Variants in CDH12 observed in about 807,000 individuals in gnomAD.
CDH12 encodes cadherin 12, also known as cadherin-12.
In CDH12, 41 loss-of-function variants were observed where a neutral mutation model predicts 74.1. That is an observed-to-expected ratio of 0.55 (90% CI 0.43 to 0.72). The LOEUF (loss-of-function observed/expected upper bound fraction) is 0.72, where lower values mean the gene tolerates loss of function less well. Ranked by LOEUF, CDH12 falls within the 30% of genes least tolerant of loss-of-function variation. The probability of loss-of-function intolerance (pLI) is 0.00; values close to 1 mark genes in which losing one functional copy is unlikely to be tolerated. For missense variants in CDH12, 945 were observed against 977.2 expected, an observed-to-expected ratio of 0.97 and a Z score of 0.44; for synonymous variants, 399 against 355.0, an observed-to-expected ratio of 1.12 and a Z score of -1.39.
intron 1 of CDH12, among the ~76,000 whole-genome samples, chr5:22,731,114 A>G (rs1744413390): frequency 6.6e-6 from 1 of 151,788 alleles, no homozygotes; most frequent in South Asian, 2.1e-4. Flanking sequence ...CTTAGAAGAT[A>G]TTGTTTAAAA....
At chr5:22,346,517 A>C (rs1265735846) in intron 3 of CDH12, among the ~76,000 whole-genome samples, 1 of 152,170 alleles carries the variant, frequency 6.6e-6, no homozygotes, top group Non-Finnish European at 1.5e-5. Context: ...CACTTTCCAC[A>C]CAGAAAAAAA....
intron 5 of CDH12, among the ~76,000 whole-genome samples, chr5:21,978,509 T>C (rs1459997372): frequency 1.3e-5 from 2 of 152,182 alleles, no homozygotes; most frequent in Non-Finnish European, 2.9e-5. Context: ...TATATATAAA[T>C]ACATATTTAC....
At chr5:22,573,405 T>C (rs1373431390) in intron 1 of CDH12, among the ~76,000 whole-genome samples, 1 of 152,132 alleles carries the variant, frequency 6.6e-6, no homozygotes, top group Non-Finnish European at 1.5e-5. Context: ...AATAAATTAA[T>C]TGCATTACAG....
chr5:21,960,620 G>GTCA, intron 6 of CDH12, among the ~76,000 whole-genome samples: 1 of 152,010 alleles, frequency 6.6e-6, no homozygotes, highest in East Asian at 1.9e-4. Flanking sequence ...ACTGTAAAAA[G>GTCA]TCATCATTTC....
chr5:22,425,075 TATAGAG>T (rs1303502363), intron 2 of CDH12, among the ~76,000 whole-genome samples: 188 of 124,834 alleles, frequency 1.5e-3, no homozygotes, highest in African/African-American at 4.2e-3. Context: ...TATATATATA[TATAGAG>T]AGAGAGAGAG....
At chr5:22,195,360 C>A (rs1750561229) in intron 4 of CDH12, among the ~76,000 whole-genome samples, 1 of 152,048 alleles carries the variant, frequency 6.6e-6, no homozygotes, top group African/African-American at 2.4e-5. Context: ...GAAAGGAAAT[C>A]AGAGCATTAA....
intron 1 of CDH12, among the ~76,000 whole-genome samples, chr5:22,642,885 C>T (rs1580844936): frequency 6.6e-6 from 1 of 152,190 alleles, no homozygotes; most frequent in African/African-American, 2.4e-5. Flanking sequence ...TTCGTCCTTA[C>T]TTTACTATTC....
chr5:22,166,583 T>C (rs1324385757), intron 4 of CDH12, among the ~76,000 whole-genome samples: 1 of 152,220 alleles, frequency 6.6e-6, no homozygotes, highest in Non-Finnish European at 1.5e-5. Flanking sequence ...AGAATAGCAT[T>C]TTTACTATAA....
intron 5 of CDH12, among the ~76,000 whole-genome samples, chr5:22,054,405 C>T (rs1233064524): frequency 6.6e-6 from 1 of 152,038 alleles, no homozygotes; most frequent in Middle Eastern, 3.2e-3. Context: ...TTTAACTGGA[C>T]ACCTCTCATT....
chr5:22,175,565 A>G (rs1435555745), intron 4 of CDH12, among the ~76,000 whole-genome samples: 1 of 150,686 alleles, frequency 6.6e-6, no homozygotes, highest in Non-Finnish European at 1.5e-5. Flanking sequence ...ATTTTTTATA[A>G]CCAAAATTAA....
intron 3 of CDH12, among the ~76,000 whole-genome samples, chr5:22,219,393 T>C (rs1032755863): frequency 6.6e-6 from 1 of 151,684 alleles, no homozygotes; most frequent in Non-Finnish European, 1.5e-5. Context: ...CTGAATACCA[T>C]ATTTCATTCT....
At chr5:22,001,959 A>G (rs1416470933) in intron 5 of CDH12, among the ~76,000 whole-genome samples, 1 of 152,132 alleles carries the variant, frequency 6.6e-6, no homozygotes, top group African/African-American at 2.4e-5. Context: ...TTAAGAGATT[A>G]TAATTGGATT....
intron 7 of CDH12, among the ~76,000 whole-genome samples, chr5:21,852,195 T>G (rs1035958983): frequency 6.6e-6 from 1 of 151,422 alleles, no homozygotes; most frequent in Non-Finnish European, 1.5e-5. Flanking sequence ...ATTCTCTTAA[T>G]GAAGTGCTTC....
At chr5:22,050,859 T>C (rs1740308163) in intron 5 of CDH12, among the ~76,000 whole-genome samples, 1 of 152,166 alleles carries the variant, frequency 6.6e-6, no homozygotes, top group South Asian at 2.1e-4. Context: ...TTATGTTTCA[T>C]GTGCACTGAT....
chr5:22,258,744 T>A lies in CDH12; in HGVS notation c.-332-46101A>T, dbSNP rs144645520. 3.4e-3 allele frequency among the ~76,000 whole-genome samples: 520 copies of A among 152,260 alleles called. 5 individuals are homozygous for A. Among genetic ancestry groups the A allele is most frequent in the African/African-American group, 0.012 (494 of 41,566 alleles). On this transcript the variant is annotated intron_variant, in intron 3 of 14. Transcript: ENST00000382254. ...TTTTAGATACACAAATATTTACCAG[T>A]TGTCTACAGTATTCAGTAAGTAACA... is the stretch of plus-strand genomic sequence containing the variant.
In CDH12 at chr5:22,283,049, C is replaced by T. The variant is rs1308967551; in HGVS notation, c.-332-70406G>A. Among the ~76,000 whole-genome samples, 3 of 151,916 alleles carry T rather than the reference C, an allele frequency of 2.0e-5. No homozygotes were observed. The East Asian group carries it at 5.8e-4, about 29-fold the overall frequency. On this transcript the variant is annotated intron_variant, in intron 3 of 14. Transcript: ENST00000382254. ...TGTTACACATATACACCATGGAATA[C>T]TATGCAGCCATAAAACAAATGGATG...
At chr5:21,952,910 C>G (rs1755928602) in intron 6 of CDH12, among the ~76,000 whole-genome samples, 2 of 151,792 alleles carry the variant, frequency 1.3e-5, no homozygotes, top group Admixed American at 6.6e-5. Flanking sequence ...ACAGCAGACC[C>G]TGAAGGATAT....
chr5:22,637,855 C>G (rs555624309), intron 1 of CDH12, among the ~76,000 whole-genome samples: 17 of 152,292 alleles, frequency 1.1e-4, no homozygotes, highest in African/African-American at 3.6e-4. Context: ...AGTAGAGATT[C>G]TGTATAGTAC....
intron 1 of CDH12, among the ~76,000 whole-genome samples, chr5:22,665,756 A>G (rs1740581341): frequency 6.6e-6 from 1 of 152,168 alleles, no homozygotes; most frequent in South Asian, 2.1e-4. Flanking sequence ...CTTTATTGGT[A>G]GCTGTTGACC....
Sources: allele counts gnomAD v4.1 joint callset (sites outside exome capture counted in the v4.1 genomes callset), GRCh38; gene constraint gnomAD v4.1.1; transcripts MANE v1.5; gene names NCBI Gene and HGNC (gene_info 2026-07-23, HGNC 2026-07-21).